ADAM19: variants seen among roughly 807,000 people sequenced by gnomAD.
ADAM19 encodes disintegrin and metalloproteinase domain-containing protein 19.
ADAM19 carries 65 observed loss-of-function variants against 114.7 expected under a neutral mutation model. The ratio of observed to expected loss-of-function variants is 0.57; its 90% CI spans 0.46 to 0.70. The LOEUF is 0.70. Among genes scored for constraint, ADAM19 ranks in the 30% least tolerant of loss-of-function variants. The probability of loss-of-function intolerance (pLI) is 0.00; values close to 1 mark genes in which losing one functional copy is unlikely to be tolerated. For missense variants in ADAM19, 1,063 were observed against 1,204.7 expected (o/e 0.88, Z 1.74); for synonymous variants, 466 against 460.5 (o/e 1.01, Z -0.15).
chr5:157,551,628 A>T (rs980008878), intron 3 of ADAM19, among the ~76,000 whole-genome samples: 4 of 152,252 alleles, frequency 2.6e-5, no homozygotes, highest in Admixed American at 1.3e-4. Flanking sequence ...CAAAGTGAAG[A>T]GACAACCCAA....
At chr5:157,504,138 T>C (rs1213624503) in intron 11 of ADAM19, among the ~76,000 whole-genome samples, 2 of 152,230 alleles carry the variant, frequency 1.3e-5, no homozygotes, top group African/African-American at 4.8e-5. Flanking sequence ...TCTCAATCAT[T>C]TGTCTTCAGA....
chr5:157,520,053 T>G, intron 5 of ADAM19, 22 bp from the exon 6 acceptor site: 1 of 1,588,348 alleles, frequency 6.3e-7, no homozygotes, highest in East Asian at 2.2e-5. Context: ...AGAAATAGAA[T>G]CTCTGGTCAA....
chr5:157,481,994 G>T (rs747518096), intron 21 of ADAM19, 51 bp from the exon 22 acceptor site: 13 of 1,404,224 alleles, frequency 9.3e-6, no homozygotes, highest in Non-Finnish European at 1.2e-5. Context: ...CTGTTTGAAA[G>T]AAAATATCCC....
intron 14 of ADAM19, among the ~76,000 whole-genome samples, chr5:157,495,311 A>T (rs1755324224): frequency 6.6e-6 from 1 of 151,984 alleles, no homozygotes; most frequent in Admixed American, 6.6e-5. Context: ...TGTTTTATGT[A>T]AATTCTTCCT....
At chr5:157,536,856 C>T (rs1756781956) in intron 4 of ADAM19, among the ~76,000 whole-genome samples, 1 of 152,222 alleles carries the variant, frequency 6.6e-6, no homozygotes, top group Non-Finnish European at 1.5e-5. Flanking sequence ...CTGTTCTCCA[C>T]ACCACAACTC....
chr5:157,556,209 CTTTTTTTTTTTTTTT>C (rs68078503), intron 3 of ADAM19, among the ~76,000 whole-genome samples: 9 of 66,324 alleles, frequency 1.4e-4, no homozygotes, highest in Admixed American at 4.9e-4. Context: ...TTTTCTTTTT[CTTTTTTTTTTTTTTT>C]TTTTTTTTTT....
rs1756214171 is a variant in ADAM19, at chr5:157,519,656, A to C, written c.600+183T>G. Among the ~76,000 whole-genome samples, 3 of 152,350 alleles carry C rather than the reference A, an allele frequency of 2.0e-5. No individual in the cohort carries two copies. The South Asian group carries it at 6.2e-4, about 32-fold the overall frequency. On this transcript the variant is annotated intron_variant, in intron 6 of 22. Coordinates refer to ENST00000257527, the MANE Select transcript of ADAM19 (RefSeq NM_033274.5). ...AAAGGTAGTAGTGTTTTCCCCCAAA[A>C]GCAGTTATTCTATGATGAGGGTATT...
intron 2 of ADAM19, among the ~76,000 whole-genome samples, chr5:157,565,208 A>G (rs1048538660): frequency 1.3e-5 from 2 of 152,176 alleles, no homozygotes; most frequent in Non-Finnish European, 2.9e-5. Context: ...ACTATGTTCG[A>G]CATCGCTAAT....
At position 157,481,808 on chromosome 5, in the gene ADAM19, C is replaced by T. The variant is rs1388740745; in HGVS notation, c.2686G>A (p.Ala896Thr). The T allele has an allele frequency of 1.9e-6, 3 of 1,575,984 alleles. No homozygotes were observed. The highest frequency in any genetic ancestry group is 8.6e-7 in the Non-Finnish European group (1 of 1,159,714). ...GGACTCACCTTTGGGGCAAGTGCTG[C>T]CAGAGGCCGGGACTGCTGAGGGCCA... is the stretch of plus-strand genomic sequence containing the variant. The part of the protein sequence containing the change: ...GAGPQQSRPL[A>T]ALAPKFPEYR... Residue 896 changes from alanine (A) to threonine (T), a missense_variant, in exon 22 of 23, where the codon GCA becomes ACA. Ala to Thr is a moderately conservative substitution (Grantham distance 58). Transcript: ENST00000257527.
intron 22 of ADAM19, chr5:157,481,402 C>T (rs1754741170): frequency 1.6e-6 from 1 of 607,692 alleles, no homozygotes; most frequent in Admixed American, 3.1e-5. Flanking sequence ...GTGTACACAG[C>T]CTCCCGCAGG....
In ADAM19 at chr5:157,518,813, T is replaced by TC; in HGVS notation, c.666+9dup. 6.2e-7 allele frequency: 1 copy of TC among 1,610,378 alleles called. No homozygotes were observed. The highest frequency in any genetic ancestry group is 8.5e-7 in the Non-Finnish European group (1 of 1,176,612). ...CAGTTTTTCTGCAAGACCCATTGCC[T>TC]CCCCCTTACCTCTAAATAATCAGCC... On this transcript the variant is annotated intron_variant, in intron 7 of 22. Transcript: ENST00000257527.
chr5:157,543,288 C>T (rs769817252), intron 3 of ADAM19, among the ~76,000 whole-genome samples: 3 of 152,150 alleles, frequency 2.0e-5, no homozygotes, highest in Non-Finnish European at 4.4e-5. Flanking sequence ...CACATAAACC[C>T]CCTCCATTTT....
Position 157,554,137 on chromosome 5 carries a change from A to G in ADAM19, c.251+10236T>C, listed in dbSNP as rs144819926. Among the ~76,000 whole-genome samples, 45 of 152,244 alleles carry G rather than the reference A, an allele frequency of 3.0e-4. No individual in the cohort carries two copies. In the East Asian group the frequency reaches 8.7e-3, roughly 29 times the overall value. ...AATATTAAGTTCATGGTAAATGCTC[A>G]CTCCCTCAATGCCAGCTATTGTTGT... On this transcript the variant is annotated intron_variant, in intron 3 of 22. Coordinates refer to ENST00000257527, the MANE Select transcript of ADAM19 (RefSeq NM_033274.5).
At chr5:157,531,887 G>A (rs1301614666) in intron 4 of ADAM19, among the ~76,000 whole-genome samples, 4 of 152,258 alleles carry the variant, frequency 2.6e-5, no homozygotes, top group South Asian at 2.1e-4. Flanking sequence ...GAAGAGCCTG[G>A]AAGGATTCTC....
rs1282531002 is a variant in ADAM19 at position 157,480,916 on chromosome 5, G to A, written c.*33C>T. 6.2e-7 allele frequency: 1 copy of A among 1,613,940 alleles called. No individual in the cohort carries two copies. The highest frequency in any genetic ancestry group is 8.5e-7 in the Non-Finnish European group (1 of 1,179,992). ...ATGGGTCCTCTGCAGTGTCCAGAGAGCTCAAGGAAAGGGAGAAGCCCCTTG... is the reference window on the plus strand; with the variant it reads ...ATGGGTCCTCTGCAGTGTCCAGAGAACTCAAGGAAAGGGAGAAGCCCCTTG... On this transcript the variant is annotated 3_prime_UTR_variant, in exon 23 of 23. Coordinates refer to ENST00000257527, the MANE Select transcript of ADAM19 (RefSeq NM_033274.5).
intron 3 of ADAM19, among the ~76,000 whole-genome samples, chr5:157,556,140 CAA>C (rs1757359487): frequency 6.7e-6 from 1 of 149,560 alleles, no homozygotes; most frequent in Admixed American, 6.6e-5. Flanking sequence ...CTCCCAGGCT[CAA>C]GTGACTCTTC....
intron 3 of ADAM19, among the ~76,000 whole-genome samples, chr5:157,544,109 G>A (rs897453887): frequency 2.0e-5 from 3 of 152,170 alleles, no homozygotes; most frequent in East Asian, 3.8e-4. Context: ...ATTCCTTTAT[G>A]AGGGAACAGA....
At chr5:157,564,304 C>T (rs866361714) in intron 3 of ADAM19, 69 bp downstream of exon 3, 23 of 1,444,776 alleles carry the variant, frequency 1.6e-5, no homozygotes, top group Middle Eastern at 1.7e-4. Flanking sequence ...TCCAGAACAG[C>T]GACACCTGCG....
At chr5:157,551,656 T>C (rs1033373507) in intron 3 of ADAM19, among the ~76,000 whole-genome samples, 2 of 151,842 alleles carry the variant, frequency 1.3e-5, no homozygotes, top group African/African-American at 4.8e-5. Flanking sequence ...GAGAAAATAT[T>C]TGTAAACTAC....
Sources: allele counts gnomAD v4.1 joint callset (sites outside exome capture counted in the v4.1 genomes callset), GRCh38; gene constraint gnomAD v4.1.1; transcripts MANE v1.5; gene names NCBI Gene and HGNC (gene_info 2026-07-23, HGNC 2026-07-21).